SGCD: variants seen among roughly 807,000 people sequenced by gnomAD.
SGCD encodes delta-sarcoglycan.
Under a neutral mutation model 36.6 loss-of-function variants are expected in SGCD, and 18 were observed. That is an observed-to-expected ratio of 0.49 (90% CI 0.34 to 0.73). The LOEUF is 0.73. Ranked by LOEUF, SGCD falls within the 30% of genes least tolerant of loss-of-function variation. The probability of loss-of-function intolerance (pLI) is 0.01; values close to 1 mark genes in which losing one functional copy is unlikely to be tolerated. For synonymous variants in SGCD, 133 were observed against 130.6 expected (o/e 1.02, Z -0.12); for missense variants, 387 against 346.7 (o/e 1.12, Z -0.92).
chr5:156,152,180 ATTACATTTGCTGG>A (rs982600100), intron 3 of SGCD, among the ~76,000 whole-genome samples: 7 of 151,664 alleles, frequency 4.6e-5, no homozygotes, highest in Non-Finnish European at 1.0e-4. Flanking sequence ...TTCATTTAAT[ATTACATTTGCTGG>A]TTAACCTTTT....
In SGCD at chr5:156,522,772, A is replaced by C. The variant is rs528626756; in HGVS notation, c.294+14070A>C. 2.0e-3 allele frequency among the ~76,000 whole-genome samples: 276 copies of C among 140,996 alleles called. 1 individual carries two copies. Among genetic ancestry groups the C allele is most frequent in the African/African-American group, 7.0e-3 (249 of 35,536 alleles). 92.5% of individuals were successfully genotyped at this position (140,996 alleles called of 152,430 possible). On this transcript the variant is annotated intron_variant, in intron 4 of 8. Coordinates refer to ENST00000337851, the MANE Select transcript of SGCD (RefSeq NM_000337.6). The stretch of plus-strand genomic sequence containing the variant: ...AAGACAACCCCATCCCCACCCCCCG[A>C]CACACACATCAGTGCTGTACAAAAT...
At chr5:156,137,913 A>G (rs1256843026) in intron 3 of SGCD, among the ~76,000 whole-genome samples, 1 of 152,162 alleles carries the variant, frequency 6.6e-6, no homozygotes, top group East Asian at 1.9e-4. Context: ...TTTTATACTC[A>G]ACTTTCCTGT....
upstream of SGCD, among the ~76,000 whole-genome samples, chr5:156,324,934 G>T (rs1305564370): frequency 6.6e-6 from 1 of 152,032 alleles, no homozygotes; most frequent in Non-Finnish European, 1.5e-5. Flanking sequence ...ATTTTATTTT[G>T]CTATTATTGT....
intron 3 of SGCD, among the ~76,000 whole-genome samples, chr5:156,310,054 T>G (rs1001589963): frequency 6.6e-6 from 1 of 152,178 alleles, no homozygotes; most frequent in African/African-American, 2.4e-5. Context: ...TACAGGCTAT[T>G]TTTGTACCCA....
chr5:156,481,466 C>CT, intron 3 of SGCD, among the ~76,000 whole-genome samples: 1 of 152,146 alleles, frequency 6.6e-6, no homozygotes, highest in East Asian at 1.9e-4. Context: ...ATCTAAGTGT[C>CT]TTAGTTTTTG....
the SGCD span, among the ~76,000 whole-genome samples, chr5:155,773,611 C>G: frequency 1.3e-5 from 2 of 152,040 alleles, no homozygotes; most frequent in Non-Finnish European, 2.9e-5. Context: ...TTTGGGAAGA[C>G]GGATATGTGA....
chr5:156,689,414 T>C (rs1754030327), intron 7 of SGCD, among the ~76,000 whole-genome samples: 1 of 152,118 alleles, frequency 6.6e-6, no homozygotes, highest in Non-Finnish European at 1.5e-5. Flanking sequence ...AAGGAAGCCA[T>C]AGTCTAGAAA....
At chr5:156,462,318 T>A (rs1385133676) in intron 3 of SGCD, among the ~76,000 whole-genome samples, 1 of 152,200 alleles carries the variant, frequency 6.6e-6, no homozygotes, top group African/African-American at 2.4e-5. Flanking sequence ...CATGTATATT[T>A]TTTTTCTACC....
chr5:155,818,256 G>A, the SGCD span, among the ~76,000 whole-genome samples: 4 of 152,120 alleles, frequency 2.6e-5, no homozygotes, highest in East Asian at 3.9e-4. Flanking sequence ...GGGCCAGCAG[G>A]ACTCATTTCA....
intron 3 of SGCD, among the ~76,000 whole-genome samples, chr5:156,232,046 C>T (rs373230175): frequency 2.2e-4 from 33 of 152,272 alleles, no homozygotes; most frequent in Middle Eastern, 6.8e-3. Flanking sequence ...GTTCCTCCAA[C>T]CCTGACTAAT....
chr5:155,919,914 A>G (rs1756833900), intron 1 of SGCD, among the ~76,000 whole-genome samples: 1 of 152,168 alleles, frequency 6.6e-6, no homozygotes, highest in African/African-American at 2.4e-5. Context: ...GCATGGGAGG[A>G]GAGACATGTG....
At chr5:156,462,313 A>G (rs1754521527) in intron 3 of SGCD, among the ~76,000 whole-genome samples, 2 of 152,188 alleles carry the variant, frequency 1.3e-5, no homozygotes, top group South Asian at 4.1e-4. Context: ...ATGTGCATGT[A>G]TATTTTTTTT....
the SGCD span, among the ~76,000 whole-genome samples, chr5:155,837,217 G>A: frequency 6.6e-6 from 1 of 152,036 alleles, no homozygotes; most frequent in Non-Finnish European, 1.5e-5. Flanking sequence ...GAGTGCAGTG[G>A]CATGATCTCA....
chr5:156,313,407 A>C (rs6556545), intron 3 of SGCD, among the ~76,000 whole-genome samples: 79,008 of 151,678 alleles, frequency 0.52, 21,142 homozygotes, highest in East Asian at 0.91. Context: ...AGTTGTCAAC[A>C]TCATTTTTTG....
chr5:155,981,411 G>A (rs1758227245), intron 1 of SGCD, among the ~76,000 whole-genome samples: 2 of 152,148 alleles, frequency 1.3e-5, no homozygotes, highest in African/African-American at 4.8e-5. Flanking sequence ...ATAGGCCTGA[G>A]GAAGGGCAGG....
chr5:156,303,969 T>C (rs529911808), intron 3 of SGCD, among the ~76,000 whole-genome samples: 1 of 151,988 alleles, frequency 6.6e-6, no homozygotes, highest in Non-Finnish European at 1.5e-5. Context: ...CTGCCCTGGC[T>C]GGTGTCTCGC....
At chr5:155,936,781 C>G (rs1010246608) in intron 1 of SGCD, among the ~76,000 whole-genome samples, 1 of 152,196 alleles carries the variant, frequency 6.6e-6, no homozygotes, top group African/African-American at 2.4e-5. Flanking sequence ...ACCACTGTTC[C>G]GTACAGCCCA....
intron 3 of SGCD, among the ~76,000 whole-genome samples, chr5:156,444,117 CCCT>C (rs1753647761): frequency 4.3e-4 from 18 of 41,418 alleles, no homozygotes; most frequent in African/African-American, 2.4e-3. Flanking sequence ...TCTCTCTCTC[CCCT>C]TCCCTCTCTC....
intron 1 of SGCD, among the ~76,000 whole-genome samples, chr5:155,897,254 T>C (rs997414820): frequency 2.0e-5 from 3 of 152,188 alleles, no homozygotes; most frequent in African/African-American, 7.2e-5. Flanking sequence ...CAATGGGAAG[T>C]ATTTATTTAT....
Sources: gnomAD v4.1 joint callset for allele counts (sites outside exome capture counted in the v4.1 genomes callset) on GRCh38, gnomAD v4.1.1 for gene constraint, MANE v1.5 for transcripts, NCBI Gene and HGNC (gene_info 2026-07-23, HGNC 2026-07-21) for gene names.